The following TRANK1 variants were observed in gnomAD, a reference collection of about 807,000 sequenced individuals.
The protein encoded by TRANK1 is TPR and ankyrin repeat-containing protein 1.
TRANK1 carries 198 observed loss-of-function variants against 266.0 expected under a neutral mutation model. The observed-to-expected ratio is 0.74, with a 90% CI of 0.66 to 0.84. The LOEUF (loss-of-function observed/expected upper bound fraction) is 0.84. TRANK1 is among the 40% of genes least tolerant of loss of function. The probability of loss-of-function intolerance (pLI) is 0.00; values close to 1 mark genes in which losing one functional copy is unlikely to be tolerated. For missense variants in TRANK1, 3,326 were observed against 3,634.6 expected (o/e 0.92, Z 2.18); for synonymous variants, 1,396 against 1,384.1 (o/e 1.01, Z -0.19).
rs1575168917 is a variant in TRANK1 at position 36,827,517 on chromosome 3, G to A, written c.*758C>T. 1 of 152,260 alleles carries A rather than the reference G, an allele frequency of 6.6e-6. No individual in the cohort carries two copies. Among genetic ancestry groups the A allele is most frequent in the Non-Finnish European group, 1.5e-5 (1 of 68,070 alleles). 9.4% of individuals were successfully genotyped at this position (152,260 alleles called of 1,614,324 possible). On this transcript the variant is annotated 3_prime_UTR_variant, in exon 24 of 24. Coordinates refer to ENST00000645898, the MANE Select transcript of TRANK1 (RefSeq NM_001329998.2). The stretch of plus-strand genomic sequence containing the variant: ...GGCAGAGTTAGGACCACTTTGGAGA[G>A]GCAGCTGGGAATGCTCCCAGCAACA...
intron 7 of TRANK1, among the ~76,000 whole-genome samples, chr3:36,891,150 G>A (rs2079688267): frequency 6.6e-6 from 1 of 152,136 alleles, no homozygotes; most frequent in African/African-American, 2.4e-5. Context: ...GACCAGCCTG[G>A]CCAACATGGT....
chr3:36,853,542 G>A (rs769264313), intron 13 of TRANK1, among the ~76,000 whole-genome samples: 1 of 152,078 alleles, frequency 6.6e-6, no homozygotes, highest in African/African-American at 2.4e-5. Flanking sequence ...AGTTAGCAGG[G>A]GCCAAATATA....
Position 36,831,851 on chromosome 3 carries a change from G to T in TRANK1, c.7732C>A (p.Gln2578Lys). 6.2e-7 allele frequency: 1 copy of T among 1,613,996 alleles called. No individual in the cohort carries two copies. Among genetic ancestry groups the T allele is most frequent in the Non-Finnish European group, 8.5e-7 (1 of 1,179,892 alleles). The change falls in exon 22 of 24, where the codon CAG becomes AAG. Residue 2578 changes from glutamine (Q) to lysine (K), a missense_variant. Gln to Lys is a moderately conservative substitution (Grantham distance 53, BLOSUM62 1). Transcript: ENST00000645898. The surrounding 1 kb of genome is among the most constrained non-coding windows in gnomAD (Gnocchi z 5.0). ...TACAGGAGAGGCTTGCAGTATGGCT[G>T]CAGGATCTCCTCAGCATTCACTAGC... ...VMLVNAEEIL[Q>K]PYCKPLLYRH... is the part of the protein sequence containing the mutation.
Position 36,858,815 on chromosome 3 carries a change from G to A in TRANK1, c.1575C>T (p.Phe525=), listed in dbSNP as rs1575214451. 7.8e-6 allele frequency: 12 copies of A among 1,537,248 alleles called. No individual in the cohort carries two copies. The highest frequency in any genetic ancestry group is 2.0e-5 in the Admixed American group (1 of 51,004). ...CLKHEDFELA[F]LLLTKGADPR... ...GGTCTGCGCCCTTGGTCAAGAGAAG[G>A]AAAGCCAACTCGAAGTCCTCATGTT... The change falls in exon 12 of 24, where the codon TTC becomes TTT. Residue 525 remains phenylalanine, a synonymous_variant. Coordinates refer to ENST00000645898, the MANE Select transcript of TRANK1 (RefSeq NM_001329998.2).
intron 11 of TRANK1, among the ~76,000 whole-genome samples, chr3:36,859,481 A>G (rs1365071565): frequency 6.6e-6 from 1 of 151,784 alleles, no homozygotes; most frequent in Non-Finnish European, 1.5e-5. Context: ...ATGTGTTTTC[A>G]TTGTTCAACA....
intron 3 of TRANK1, among the ~76,000 whole-genome samples, chr3:36,902,845 G>A (rs1036847425): frequency 5.9e-5 from 9 of 152,238 alleles, no homozygotes; most frequent in Non-Finnish European, 1.3e-4. Context: ...CATCCACTAG[G>A]AGGCCAAGCT....
chr3:36,943,436 G>A (rs140020304), intron 1 of TRANK1, among the ~76,000 whole-genome samples: 1,592 of 151,682 alleles, frequency 0.01, 28 homozygotes, highest in African/African-American at 0.034. Flanking sequence ...AGTGGGATGC[G>A]ACTCTGGGAG....
chr3:36,880,973 T>C (rs2125589630), intron 8 of TRANK1, among the ~76,000 whole-genome samples: 1 of 141,142 alleles, frequency 7.1e-6, no homozygotes, highest in East Asian at 2.1e-4. Context: ...GAAGAGCCAC[T>C]ATTCACTGCC....
At chr3:36,913,052 G>GTGTGTGTT (rs1348975827) in intron 1 of TRANK1, among the ~76,000 whole-genome samples, 3 of 151,604 alleles carry the variant, frequency 2.0e-5, no homozygotes, top group Non-Finnish European at 4.4e-5. Flanking sequence ...GTGTGTGTGT[G>GTGTGTGTT]TGTGTGTGTG....
chr3:36,932,809 A>G (rs2080377458), intron 1 of TRANK1, among the ~76,000 whole-genome samples: 4 of 152,290 alleles, frequency 2.6e-5, no homozygotes, highest in African/African-American at 9.6e-5. Context: ...CTACTGAACT[A>G]TGAGAGAGTA....
rs2079487997 is a variant in TRANK1, at chr3:36,879,928, G to GTAAATATA, written c.908-5633_908-5632insTATATTTA. ...TAAACATGCAAATATATGTAAACAT[G>GTAAATATA]CAAATATATGTAAACATGCAAATAT... On this transcript the variant is annotated intron_variant, in intron 8 of 23. Transcript: ENST00000645898. Among the ~76,000 whole-genome samples, 15 of 11,892 alleles carry GTAAATATA rather than the reference G, an allele frequency of 1.3e-3. 6 individuals are homozygous for GTAAATATA. Among genetic ancestry groups the GTAAATATA allele is most frequent in the African/African-American group, 4.9e-3 (14 of 2,860 alleles). The allele number at this position is 11,892 out of a possible 152,430, so 7.8% of individuals were successfully genotyped here. A position where few individuals can be genotyped will look rare whatever the true frequency, so the allele number is the denominator to read the frequency against.
chr3:36,879,801 TACA>T (rs2079470987), intron 8 of TRANK1, among the ~76,000 whole-genome samples: 1 of 106,168 alleles, frequency 9.4e-6, no homozygotes. Flanking sequence ...TATATAAATA[TACA>T]AATATATGTA....
intron 15 of TRANK1, 128 bp from the exon 16 acceptor site, chr3:36,847,474 A>T (rs2078931447): frequency 1.1e-6 from 1 of 926,862 alleles, no homozygotes; most frequent in Non-Finnish European, 1.6e-6. Flanking sequence ...TTTGAGAAAG[A>T]TCCATCCTGT....
intron 1 of TRANK1, among the ~76,000 whole-genome samples, chr3:36,918,312 AG>A (rs2080154427): frequency 6.6e-6 from 1 of 151,928 alleles, no homozygotes; most frequent in Non-Finnish European, 1.5e-5. Flanking sequence ...CAAATAAAAA[AG>A]TTCCAGAAAT....
chr3:36,913,030 T>TTGTGTGTGTGTGTGTGTGTGTGTG (rs10633466), intron 1 of TRANK1, among the ~76,000 whole-genome samples: 1 of 144,066 alleles, frequency 6.9e-6, no homozygotes, highest in African/African-American at 2.6e-5. Context: ...TATGTCTCTT[T>TTGTGTGTGTGTGTGTGTGTGTGTG]TGTGTGTGTG....
intron 1 of TRANK1, among the ~76,000 whole-genome samples, chr3:36,934,115 C>A (rs1248410240): frequency 1.3e-5 from 2 of 152,238 alleles, no homozygotes; most frequent in African/African-American, 4.8e-5. Context: ...TACACAGAGG[C>A]AGGCCAGGGC....
At chr3:36,919,659 G>A (rs2080187796) in intron 1 of TRANK1, among the ~76,000 whole-genome samples, 1 of 152,224 alleles carries the variant, frequency 6.6e-6, no homozygotes, top group African/African-American at 2.4e-5. Context: ...TGACAGGGAA[G>A]ATGTGCTATT....
chr3:36,924,058 C>T (rs1040622102), intron 1 of TRANK1, among the ~76,000 whole-genome samples: 39 of 152,184 alleles, frequency 2.6e-4, no homozygotes, highest in African/African-American at 8.9e-4. Flanking sequence ...TGGGGTCAGC[C>T]AGCCATCCTG....
chr3:36,898,849 C>CAAA (rs57126220), intron 4 of TRANK1, among the ~76,000 whole-genome samples: 2,558 of 112,832 alleles, frequency 0.023, 71 homozygotes, highest in African/African-American at 0.073. Context: ...GACTCTGTCT[C>CAAA]AAAAAAAAAA....
Sources: allele counts gnomAD v4.1 joint callset (sites outside exome capture counted in the v4.1 genomes callset), GRCh38; gene constraint gnomAD v4.1.1; non-coding constraint Gnocchi (gnomAD v3.1); transcripts MANE v1.5; gene names NCBI Gene and HGNC (gene_info 2026-07-23, HGNC 2026-07-21).